The following PCDHGA4 variants were observed in gnomAD, a reference collection of about 807,000 sequenced individuals.
The protein encoded by PCDHGA4 is protocadherin gamma subfamily A, 4.
Under a neutral mutation model 54.6 loss-of-function variants are expected in PCDHGA4, and 38 were observed. The observed-to-expected ratio is 0.70, with a 90% CI of 0.54 to 0.91. The LOEUF (loss-of-function observed/expected upper bound fraction) is 0.91, where lower values mean the gene tolerates loss of function less well. PCDHGA4 is among the 40% of genes least tolerant of loss of function. The pLI, the probability that PCDHGA4 is intolerant of heterozygous loss-of-function variation, is 0.00. For missense variants in PCDHGA4, 1,298 were observed against 1,220.9 expected (o/e 1.06, Z -0.94); for synonymous variants, 511 against 512.9 (o/e 1.00, Z 0.05).
At chr5:141,383,201 G>C in intron 1 of PCDHGA4, 3 of 1,614,000 alleles carry the variant, frequency 1.9e-6, no homozygotes, top group Non-Finnish European at 2.5e-6. Flanking sequence ...CAGAGTGCGC[G>C]GTGTCTGGTA....
intron 1 of PCDHGA4, among the ~76,000 whole-genome samples, chr5:141,362,919 G>A (rs1391703031): frequency 6.6e-6 from 1 of 152,202 alleles, no homozygotes; most frequent in East Asian, 1.9e-4. Flanking sequence ...ATACTTCAGA[G>A]TAAAGAGAGT....
chr5:141,465,995 A>C lies in PCDHGA4; in HGVS notation c.2515-28812A>C, dbSNP rs551920109. On this transcript the variant is annotated intron_variant, in intron 1 of 3. Coordinates refer to ENST00000571252, the MANE Select transcript of PCDHGA4 (RefSeq NM_018917.4). ...AAATTAGCCGGGCATGGTGGCAGGC[A>C]CCTGTAGTCCCAGCTACTCGGGAGG... Among the ~76,000 whole-genome samples the C allele has an allele frequency of 1.3e-4, 20 of 151,982 alleles. No homozygotes were observed. In the South Asian group the frequency reaches 4.2e-3, roughly 32 times the overall value.
chr5:141,424,538 A>G (rs547426760), intron 1 of PCDHGA4: 37 of 152,340 alleles, frequency 2.4e-4, no homozygotes, highest in African/African-American at 8.9e-4. Context: ...TATAGAAATA[A>G]CTTGATTTTG....
Position 141,487,356 on chromosome 5 carries a change from C to A in PCDHGA4, c.2515-7451C>A. On this transcript the variant is annotated intron_variant, in intron 1 of 3. Coordinates refer to ENST00000571252, the MANE Select transcript of PCDHGA4 (RefSeq NM_018917.4). The surrounding 1 kb of genome is among the most constrained non-coding windows in gnomAD (Gnocchi z 5.0). ...GCCTGTGGAGTCACATGCTTTCCTG[C>A]TGGCACCTGTGCCTGTCTCACCAGA... 1 of 1,614,220 alleles carries A rather than the reference C, an allele frequency of 6.2e-7. No individual in the cohort carries two copies. The highest frequency in any genetic ancestry group is 8.5e-7 in the Non-Finnish European group (1 of 1,180,042).
At chr5:141,421,370 A>G (rs765775416) in intron 1 of PCDHGA4, 4 of 1,613,916 alleles carry the variant, frequency 2.5e-6, no homozygotes, top group African/African-American at 1.3e-5. Flanking sequence ...TTCGTGGGCA[A>G]TATCTCCAAG....
intron 1 of PCDHGA4, among the ~76,000 whole-genome samples, chr5:141,474,651 C>T (rs2099352565): frequency 6.6e-6 from 1 of 152,178 alleles, no homozygotes; most frequent in South Asian, 2.1e-4. Flanking sequence ...ATCCTTACTT[C>T]TTTTCTACCT....
At chr5:141,403,120 C>G (rs2094357495) in intron 1 of PCDHGA4, 3 of 1,614,050 alleles carry the variant, frequency 1.9e-6, no homozygotes, top group South Asian at 2.2e-5. Context: ...CTCTGGAGCC[C>G]CGGGAGCTGG....
intron 1 of PCDHGA4, chr5:141,405,588 G>T: frequency 1.7e-6 from 1 of 584,820 alleles, no homozygotes; most frequent in Non-Finnish European, 3.0e-6. Flanking sequence ...GGGACTACAG[G>T]CCTCCCAAGT....
intron 1 of PCDHGA4, among the ~76,000 whole-genome samples, chr5:141,469,436 G>T (rs556417221): frequency 6.6e-6 from 1 of 152,002 alleles, no homozygotes; most frequent in Non-Finnish European, 1.5e-5. Flanking sequence ...TTAGCTGGGC[G>T]TGGTGGTGCA....
chr5:141,420,494 C>A (rs978136090), intron 1 of PCDHGA4: 1 of 499,510 alleles, frequency 2.0e-6, no homozygotes, highest in Non-Finnish European at 3.1e-6. Context: ...GGGTAATCTC[C>A]GGTGACATTT....
intron 1 of PCDHGA4, chr5:141,383,948 C>T (rs199642192): frequency 3.1e-6 from 5 of 1,613,482 alleles, no homozygotes; most frequent in East Asian, 4.5e-5. Context: ...GTGACTATGA[C>T]GTCTTTAAGT....
intron 1 of PCDHGA4, among the ~76,000 whole-genome samples, chr5:141,483,997 T>G (rs2099590025): frequency 8.6e-5 from 6 of 69,516 alleles, no homozygotes; most frequent in East Asian, 4.4e-4. Context: ...TGCTGGGAGG[T>G]CTGGATGAGG....
At chr5:141,366,481 G>A (rs1055854699) in intron 1 of PCDHGA4, 23 of 1,614,260 alleles carry the variant, frequency 1.4e-5, no homozygotes, top group Non-Finnish European at 1.9e-5. Flanking sequence ...TCAGACTGAG[G>A]CGCTGGCACA....
chr5:141,361,368 C>G, intron 1 of PCDHGA4: 1 of 1,613,970 alleles, frequency 6.2e-7, no homozygotes, highest in South Asian at 1.1e-5. Context: ...GCGCTCTGGA[C>G]CGGGAGGAGA....
chr5:141,433,228 C>G (rs2097577964), intron 1 of PCDHGA4: 7 of 1,522,184 alleles, frequency 4.6e-6, no homozygotes, highest in Non-Finnish European at 5.4e-6. Flanking sequence ...TTTAATTGCT[C>G]TGTCTCCCAA....
intron 1 of PCDHGA4, chr5:141,374,359 C>T (rs1179448303): frequency 6.2e-7 from 1 of 1,614,000 alleles, no homozygotes; most frequent in Admixed American, 1.7e-5. Context: ...GGATAGACCG[C>T]GAGGAGCTCT....
intron 1 of PCDHGA4, chr5:141,419,059 T>C (rs574873856): frequency 1.6e-5 from 26 of 1,613,962 alleles, no homozygotes; most frequent in Non-Finnish European, 2.0e-5. Context: ...CTTCTAATAA[T>C]TACTACAAGC....
chr5:141,389,124 C>A, intron 1 of PCDHGA4: 1 of 1,613,996 alleles, frequency 6.2e-7, no homozygotes, highest in Non-Finnish European at 8.5e-7. Flanking sequence ...CGAGCAGAAT[C>A]CAGAGTACAA....
chr5:141,479,469 C>T lies in PCDHGA4; in HGVS notation c.2515-15338C>T, dbSNP rs1218436564. 8 of 152,344 alleles carry T rather than the reference C, an allele frequency of 5.3e-5. No homozygotes were observed. In the East Asian group the frequency reaches 1.5e-3, roughly 29 times the overall value. 9.4% of individuals were successfully genotyped at this position (152,344 alleles called of 1,614,324 possible). On this transcript the variant is annotated intron_variant, in intron 1 of 3. Transcript: ENST00000571252. ...AAGTTCAGCATGAATACAGTGACCT[C>T]TTGGGAGGGCAGGACCATCAGGTTG...
Sources: allele counts gnomAD v4.1 joint callset (sites outside exome capture counted in the v4.1 genomes callset), GRCh38; gene constraint gnomAD v4.1.1; non-coding constraint Gnocchi (gnomAD v3.1); transcripts MANE v1.5; gene names NCBI Gene and HGNC (gene_info 2026-07-23, HGNC 2026-07-21).